The following RFX7 variants were observed in gnomAD, a reference collection of about 807,000 sequenced individuals.
RFX7 encodes regulatory factor X7, also known as DNA-binding protein RFX7.
In RFX7, 26 loss-of-function variants were observed where a neutral mutation model predicts 111.8. The ratio of observed to expected loss-of-function variants is 0.23; its 90% CI spans 0.17 to 0.32. The LOEUF (loss-of-function observed/expected upper bound fraction) is 0.32, where lower values mean the gene tolerates loss of function less well. RFX7 is among the 10% of genes least tolerant of loss of function. The pLI, the probability that RFX7 is intolerant of heterozygous loss-of-function variation, is 1.00. For synonymous variants in RFX7, 624 were observed against 624.4 expected, an observed-to-expected ratio of 1.00 and a Z score of 0.01; for missense variants, 1,573 against 1,772.9, an observed-to-expected ratio of 0.89 and a Z score of 2.02.
At chr15:56,182,826 C>T (rs181783830) in intron 2 of RFX7, among the ~76,000 whole-genome samples, 180 of 152,140 alleles carry the variant, frequency 1.2e-3, no homozygotes, top group African/African-American at 4.2e-3. Flanking sequence ...TTGGCATATA[C>T]CTGTAAGAAT....
chr15:56,239,852 A>C (rs1355740665), intron 2 of RFX7, among the ~76,000 whole-genome samples: 1 of 152,158 alleles, frequency 6.6e-6, no homozygotes, highest in East Asian at 1.9e-4. Context: ...TCAGGGTTTC[A>C]AGTAAAACTG....
chr15:56,170,965 G>C (rs2042839400), intron 3 of RFX7, among the ~76,000 whole-genome samples: 1 of 152,116 alleles, frequency 6.6e-6, no homozygotes, highest in Admixed American at 6.5e-5. Context: ...ACAATGGGGA[G>C]CCAATGAAAG....
intron 2 of RFX7, among the ~76,000 whole-genome samples, chr15:56,184,042 C>A (rs574354994): frequency 6.8e-6 from 1 of 146,514 alleles, no homozygotes; most frequent in East Asian, 2.0e-4. Flanking sequence ...TTTTTTGAGA[C>A]AGAGTTTTGC....
chr15:56,131,017 AAC>A (rs1430767025), intron 5 of RFX7, among the ~76,000 whole-genome samples: 2 of 152,108 alleles, frequency 1.3e-5, no homozygotes, highest in Non-Finnish European at 2.9e-5. Flanking sequence ...ATGCTATATA[AAC>A]TGTTCCAGAG....
At chr15:56,228,970 T>C (rs1266808925) in intron 2 of RFX7, among the ~76,000 whole-genome samples, 1 of 152,174 alleles carries the variant, frequency 6.6e-6, no homozygotes, top group South Asian at 2.1e-4. Context: ...TAAGTAATTA[T>C]AATACATAGT....
chr15:56,166,487 C>A (rs2042783388), intron 3 of RFX7, among the ~76,000 whole-genome samples: 2 of 147,916 alleles, frequency 1.4e-5, no homozygotes, highest in Non-Finnish European at 3.0e-5. Context: ...ACAGGAAGTT[C>A]TCAACATCCT....
At chr15:56,209,541 T>C (rs1422069289) in intron 2 of RFX7, among the ~76,000 whole-genome samples, 2 of 152,110 alleles carry the variant, frequency 1.3e-5, no homozygotes, top group Non-Finnish European at 1.5e-5. Flanking sequence ...ATGTTTCTTA[T>C]TTTTAATTGA....
intron 3 of RFX7, among the ~76,000 whole-genome samples, chr15:56,154,738 A>G (rs1304954236): frequency 6.6e-6 from 1 of 152,250 alleles, no homozygotes; most frequent in Non-Finnish European, 1.5e-5. Flanking sequence ...CTTCATGTCT[A>G]AAACACCAAA....
rs780470832 is a variant in RFX7, at chr15:56,094,258, G to A, written c.3470C>T (p.Ser1157Phe). The A allele has an allele frequency of 3.1e-6, 5 of 1,613,986 alleles. No individual in the cohort carries two copies. The Admixed American group carries it at 8.3e-5, about 27-fold the overall frequency. The part of the protein sequence containing the change: ...APLDNKGTNS[S>F]ASSNFRCRSV... ...CCGGCATCTGAAGTTGCTGCTGGCA[G>A]ATGAATTAGTTCCTTTATTATCAAG... Residue 1157 changes from serine to phenylalanine, a missense_variant, in exon 10 of 10, where the codon TCT becomes TTT. By Grantham distance (155) the Ser-to-Phe change is radical. Transcript: ENST00000559447.
rs376035828 is a variant in RFX7 at position 56,188,461 on chromosome 15, A to G, written c.162-9158T>C. Among the ~76,000 whole-genome samples, 11 of 152,174 alleles carry G rather than the reference A, an allele frequency of 7.2e-5. No individual in the cohort carries two copies. The East Asian group carries it at 1.3e-3, about 19-fold the overall frequency. On this transcript the variant is annotated intron_variant, in intron 2 of 9. Coordinates refer to ENST00000559447, the MANE Select transcript of RFX7 (RefSeq NM_022841.7). ...AGAAGTTCAGCAAATTCCAAGCAGG[A>G]TAATTATAAAGAAACCCACACATTG...
chr15:56,192,623 C>T (rs1289332653), intron 2 of RFX7: 1 of 180,892 alleles, frequency 5.5e-6, no homozygotes, highest in African/African-American at 2.4e-5. Context: ...GGTGTTGAAT[C>T]CTGAGACAGC....
chr15:56,212,686 T>A (rs1264411194), intron 2 of RFX7, among the ~76,000 whole-genome samples: 4 of 152,058 alleles, frequency 2.6e-5, no homozygotes, highest in Non-Finnish European at 4.4e-5. Flanking sequence ...GTTTATTTTT[T>A]AAAAAAAGTT....
chr15:56,167,122 T>A (rs1163012481), intron 3 of RFX7, among the ~76,000 whole-genome samples: 1 of 152,008 alleles, frequency 6.6e-6, no homozygotes, highest in African/African-American at 2.4e-5. Flanking sequence ...CTTGGCAACA[T>A]AATGAAACCT....
In RFX7 at chr15:56,096,450, C is replaced by G; in HGVS notation, c.1278G>C (p.Arg426=). The part of the protein sequence containing the change: ...PASPGGDRSA[R]HRYPQILPKP... ...TGGGTAAGATCTGAGGGTAACGGTG[C>G]CGGGCAGAACGATCCCCACCAGGAC... is the stretch of plus-strand genomic sequence containing the variant. Residue 426 remains arginine, a synonymous_variant, in exon 10 of 10, where the codon CGG becomes CGC. Transcript: ENST00000559447. 3 of 1,612,630 alleles carry G rather than the reference C, an allele frequency of 1.9e-6. No individual in the cohort carries two copies. The highest frequency in any genetic ancestry group is 2.5e-6 in the Non-Finnish European group (3 of 1,179,312).
intron 6 of RFX7, among the ~76,000 whole-genome samples, chr15:56,102,721 G>A (rs574240478): frequency 3.9e-5 from 6 of 152,302 alleles, no homozygotes; most frequent in Non-Finnish European, 1.5e-5. Flanking sequence ...ACATGCCAAA[G>A]ACACATCAAA....
intron 3 of RFX7, among the ~76,000 whole-genome samples, chr15:56,149,316 A>G (rs954986910): frequency 1.3e-5 from 2 of 152,210 alleles, no homozygotes; most frequent in African/African-American, 2.4e-5. Context: ...TTACAACATC[A>G]TAGATTAGCC....
chr15:56,116,410 C>T (rs1425968443), intron 5 of RFX7, among the ~76,000 whole-genome samples: 2 of 152,224 alleles, frequency 1.3e-5, no homozygotes, highest in African/African-American at 4.8e-5. Context: ...TGCACTACAA[C>T]ATTTTTAAAA....
chr15:56,161,121 T>A (rs1239361263), intron 3 of RFX7, among the ~76,000 whole-genome samples: 5 of 152,072 alleles, frequency 3.3e-5, no homozygotes, highest in African/African-American at 1.2e-4. Context: ...TTGAAAGACA[T>A]CAGTACTTAG....
At chr15:56,113,319 A>G (rs570564234) in intron 5 of RFX7, among the ~76,000 whole-genome samples, 136 of 152,370 alleles carry the variant, frequency 8.9e-4, no homozygotes, top group African/African-American at 3.1e-3. Flanking sequence ...CTATGCAGCC[A>G]TTAAAAGGAA....
Sources: allele counts gnomAD v4.1 joint callset (sites outside exome capture counted in the v4.1 genomes callset), GRCh38; gene constraint gnomAD v4.1.1; transcripts MANE v1.5; gene names NCBI Gene and HGNC (gene_info 2026-07-23, HGNC 2026-07-21).